The following FREM1 variants were observed in gnomAD, a reference collection of about 807,000 sequenced individuals.
FREM1 encodes the protein FRAS1 related extracellular matrix 1.
In FREM1, 220 loss-of-function variants were observed where a neutral mutation model predicts 210.1. That is an observed-to-expected ratio of 1.05 (90% CI 0.94 to 1.17). The LOEUF is 1.17. Among genes scored for constraint, FREM1 ranks in the 50% most tolerant of loss-of-function variants. The probability of loss-of-function intolerance (pLI) is 0.00; values close to 1 mark genes in which losing one functional copy is unlikely to be tolerated. For synonymous variants in FREM1, 1,189 were observed against 980.2 expected (o/e 1.21, Z -3.98); for missense variants, 3,454 against 2,675.5 (o/e 1.29, Z -6.42).
Position 14,823,109 on chromosome 9 carries a change from C to G in FREM1, c.2337+51G>C. 7 of 1,403,584 alleles carry G rather than the reference C, an allele frequency of 5.0e-6. No individual in the cohort carries two copies. The East Asian group carries it at 7.2e-5, about 14-fold the overall frequency. 86.9% of individuals were successfully genotyped at this position (1,403,584 alleles called of 1,614,324 possible). On this transcript the variant is annotated intron_variant, in intron 13 of 36. Transcript: ENST00000380880. ...TACCATTTCTAGTAGGTCTTCAAGT[C>G]TCTCCTTTCTTTTCCTCCTTTTCAT...
chr9:14,861,148 CAT>C lies in FREM1; in HGVS notation c.330-1666_330-1665del, dbSNP rs1451691900. 5.7e-5 allele frequency among the ~76,000 whole-genome samples: 6 copies of C among 105,888 alleles called. 2 individuals are homozygous for C. In the East Asian group the frequency reaches 1.9e-3, roughly 34 times the overall value. 69.5% of individuals were successfully genotyped at this position (105,888 alleles called of 152,430 possible). A position where few individuals can be genotyped will look rare whatever the true frequency, so the allele number is the denominator to read the frequency against. ...ATATACACATATATACATATATACACATATATACGTATATACACATGTATGTA... is the reference window on the plus strand; with the variant it reads ...ATATACACATATATACATATATACACATATACGTATATACACATGTATGTA... On this transcript the variant is annotated intron_variant, in intron 3 of 36. Transcript: ENST00000380880.
chr9:14,899,671 T>G (rs1431061183), intron 1 of FREM1, among the ~76,000 whole-genome samples: 1 of 152,210 alleles, frequency 6.6e-6, no homozygotes, highest in East Asian at 1.9e-4. Flanking sequence ...AAATACCTTC[T>G]TAGAGTCTCC....
rs114075884 is a variant in FREM1 at position 14,772,961 on chromosome 9, C to G, written c.4858-2155G>C. On this transcript the variant is annotated intron_variant, in intron 25 of 36. Transcript: ENST00000380880. The stretch of plus-strand genomic sequence containing the variant: ...TGATCATGTGTTTTTAAAAGGACAT[C>G]TAAACTCTAGCAACACGGTCCCGTC... 2.8e-3 allele frequency among the ~76,000 whole-genome samples: 420 copies of G among 152,288 alleles called. 1 individual carries two copies. Among genetic ancestry groups the G allele is most frequent in the African/African-American group, 9.7e-3 (404 of 41,554 alleles).
intron 18 of FREM1, among the ~76,000 whole-genome samples, chr9:14,805,888 G>C (rs1196190524): frequency 6.6e-6 from 1 of 152,082 alleles, no homozygotes; most frequent in Admixed American, 6.5e-5. Flanking sequence ...GACACGTTTT[G>C]GCTTTAAAAT....
chr9:14,784,215 A>G, intron 24 of FREM1, 155 bp downstream of exon 24: 1 of 638,404 alleles, frequency 1.6e-6, no homozygotes, highest in South Asian at 5.7e-5. Context: ...TTTTTAAAAA[A>G]CAAATTTCAT....
In FREM1 at chr9:14,870,489, G is replaced by GT. The variant is rs199738597; in HGVS notation, c.-267-1246dup. On this transcript the variant is annotated intron_variant, in intron 1 of 36. Transcript: ENST00000380880. ...TTTGTTTTTTGTTGCTGTTGTCTTT[G>GT]TTTTTTTTCTTAAATTTAAAATGCC... Among the ~76,000 whole-genome samples, 1,124 of 151,440 alleles carry GT rather than the reference G, an allele frequency of 7.4e-3. 21 individuals carry two copies. Among genetic ancestry groups the GT allele is most frequent in the African/African-American group, 0.024 (986 of 41,236 alleles).
At chr9:14,759,488 C>A (rs563902550) in intron 28 of FREM1, among the ~76,000 whole-genome samples, 1 of 54,528 alleles carries the variant, frequency 1.8e-5, no homozygotes, top group Admixed American at 2.0e-4. Context: ...CCAGCCTGGG[C>A]GACAAGAGCG....
At chr9:14,828,387 T>C (rs890460919) in intron 10 of FREM1, among the ~76,000 whole-genome samples, 7 of 152,232 alleles carry the variant, frequency 4.6e-5, no homozygotes, top group African/African-American at 1.7e-4. Context: ...GTCTATCCTA[T>C]ACCTGTCCCA....
At chr9:14,755,419 C>T (rs560976111) in intron 29 of FREM1, among the ~76,000 whole-genome samples, 1 of 152,306 alleles carries the variant, frequency 6.6e-6, no homozygotes, top group East Asian at 1.9e-4. Context: ...GTATGCAGAA[C>T]ATCTCCTTGG....
intron 35 of FREM1, among the ~76,000 whole-genome samples, chr9:14,745,339 G>A (rs905966384): frequency 6.6e-6 from 1 of 152,100 alleles, no homozygotes; most frequent in Non-Finnish European, 1.5e-5. Flanking sequence ...GGTGTGAAGT[G>A]GTATTTCATT....
At position 14,805,101 on chromosome 9, in the gene FREM1, G is replaced by T. The variant is rs1470415216; in HGVS notation, c.3326C>A (p.Ser1109Tyr). 1.2e-6 allele frequency: 2 copies of T among 1,610,974 alleles called. No individual in the cohort carries two copies. Among genetic ancestry groups the T allele is most frequent in the South Asian group, 2.2e-5 (2 of 90,502 alleles). Residue 1109 changes from serine to tyrosine, a missense_variant, in exon 19 of 37, where the codon TCC becomes TAC. Physicochemically the swap from Ser to Tyr is moderately radical, Grantham distance 144. Transcript: ENST00000380880. ...MNAFHINYVQ[S>Y]RHLRIEPTAD... ...AGTTGGTTCTATCCTCAGATGCCTG[G>T]ACTGCACATAGTTAATGTGAAAAGC...
chr9:14,745,753 G>C (rs1212395127), intron 35 of FREM1, among the ~76,000 whole-genome samples: 2 of 152,272 alleles, frequency 1.3e-5, no homozygotes, highest in African/African-American at 4.8e-5. Context: ...GTCAGGGATA[G>C]GTACATATGC....
intron 4 of FREM1, among the ~76,000 whole-genome samples, chr9:14,858,455 C>T (rs1829189979): frequency 6.6e-6 from 1 of 151,556 alleles, no homozygotes; most frequent in South Asian, 2.1e-4. Flanking sequence ...CTGCCTCAGC[C>T]TCCCAAAGTG....
intron 8 of FREM1, among the ~76,000 whole-genome samples, chr9:14,844,427 G>A (rs1383215988): frequency 6.6e-6 from 1 of 152,078 alleles, no homozygotes; most frequent in Non-Finnish European, 1.5e-5. Flanking sequence ...GTTTCACCAT[G>A]TCGGCCAGGC....
Position 14,805,052 on chromosome 9 carries a change from G to T in FREM1, c.3375C>A (p.Val1125=). ...CCAAGGAGTGATGCTTCCCATCTGTGACGTACACCGTGAACTGGTCGGCAG... is the reference window on the plus strand; with the variant it reads ...CCAAGGAGTGATGCTTCCCATCTGTTACGTACACCGTGAACTGGTCGGCAG... The part of the protein sequence containing the change: ...EPTADQFTVY[V]TDGKHHSLEI... Residue 1125 remains valine, a synonymous_variant, in exon 19 of 37, where the codon GTC becomes GTA. Coordinates refer to ENST00000380880, the MANE Select transcript of FREM1 (RefSeq NM_001379081.2). 1 of 1,612,992 alleles carries T rather than the reference G, an allele frequency of 6.2e-7. No individual in the cohort carries two copies. Among genetic ancestry groups the T allele is most frequent in the Non-Finnish European group, 8.5e-7 (1 of 1,178,984 alleles).
At position 14,737,415 on chromosome 9, in the gene FREM1, A is replaced by T; in HGVS notation, c.6521T>A (p.Val2174Glu). 1 of 1,613,630 alleles carries T rather than the reference A, an allele frequency of 6.2e-7. No individual in the cohort carries two copies. The highest frequency in any genetic ancestry group is 1.1e-5 in the South Asian group (1 of 91,046). The change falls in exon 37 of 37, where the codon GTG becomes GAG. Residue 2174 changes from valine to glutamate, a missense_variant. Transcript: ENST00000380880. The part of the protein sequence containing the change: ...DCRRAKPHNY[V>E]CSRKL ...TTATATTTAGAGTTTTCTGGAACACACATAATTATGAGGTTTGGCTCTCCT... is the reference window on the plus strand; with the variant it reads ...TTATATTTAGAGTTTTCTGGAACACTCATAATTATGAGGTTTGGCTCTCCT...
At chr9:14,889,694 C>G (rs975994592) in intron 1 of FREM1, among the ~76,000 whole-genome samples, 1 of 152,226 alleles carries the variant, frequency 6.6e-6, no homozygotes, top group African/African-American at 2.4e-5. Flanking sequence ...AGCCCTCCCT[C>G]AGGCTATACT....
intron 3 of FREM1, 37 bp from the exon 4 acceptor site, chr9:14,859,521 T>G (rs1014797927): frequency 3.2e-6 from 5 of 1,551,040 alleles, no homozygotes; most frequent in Non-Finnish European, 4.4e-6. Context: ...TATTAATTGG[T>G]GCTCAGGTAT....
At position 14,846,196 on chromosome 9, in the gene FREM1, C is replaced by A. The variant is rs545060907; in HGVS notation, c.1262-105G>T. 1.2e-4 allele frequency: 113 copies of A among 922,250 alleles called. No individual in the cohort carries two copies. The African/African-American group carries it at 1.4e-3, about 12-fold the overall frequency. The allele number at this position is 922,250 out of a possible 1,614,324, so 57.1% of individuals were successfully genotyped here. On this transcript the variant is annotated intron_variant, in intron 7 of 36. Transcript: ENST00000380880. ...ATGCAGCCATAAAAAATAATGAGTTCATGCCCTTTGCAGGGACATGGATGA... is the reference window on the plus strand; with the variant it reads ...ATGCAGCCATAAAAAATAATGAGTTAATGCCCTTTGCAGGGACATGGATGA...
Sources: allele counts gnomAD v4.1 joint callset (sites outside exome capture counted in the v4.1 genomes callset), GRCh38; gene constraint gnomAD v4.1.1; transcripts MANE v1.5; gene names NCBI Gene and HGNC (gene_info 2026-07-23, HGNC 2026-07-21).